Variants in TLL2 observed in about 807,000 individuals in gnomAD.
TLL2 encodes tolloid-like protein 2.
In TLL2, 106 loss-of-function variants were observed where a neutral mutation model predicts 123.0. The observed-to-expected ratio is 0.86, with a 90% CI of 0.74 to 1.01. TLL2 has a LOEUF of 1.01. Ranked by LOEUF, TLL2 falls within the 50% of genes least tolerant of loss-of-function variation. The pLI, the probability that TLL2 is intolerant of heterozygous loss-of-function variation, is 0.00. For synonymous variants in TLL2, 494 were observed against 516.8 expected, an observed-to-expected ratio of 0.96 and a Z score of 0.60; for missense variants, 1,332 against 1,336.7, an observed-to-expected ratio of 1.00 and a Z score of 0.06.
intron 1 of TLL2, 68 bp from the exon 2 acceptor site, chr10:96,480,527 C>T (rs1355568365): frequency 7.9e-7 from 1 of 1,267,014 alleles, no homozygotes; most frequent in Admixed American, 1.7e-5. Context: ...CACTAATGCC[C>T]CAAAGGGCAT....
intron 5 of TLL2, among the ~76,000 whole-genome samples, chr10:96,423,327 C>T (rs1846645341): frequency 6.6e-6 from 1 of 152,110 alleles, no homozygotes; most frequent in Admixed American, 6.5e-5. Context: ...TACTCTACCC[C>T]TCCACCTGCA....
chr10:96,431,643 G>A (rs1021230132), intron 4 of TLL2, among the ~76,000 whole-genome samples: 5 of 152,144 alleles, frequency 3.3e-5, no homozygotes, highest in African/African-American at 9.7e-5. Flanking sequence ...TTGGAGATAC[G>A]GAAGCAGAAA....
intron 2 of TLL2, among the ~76,000 whole-genome samples, chr10:96,462,792 C>T (rs2134095281): frequency 6.6e-6 from 1 of 152,320 alleles, no homozygotes; most frequent in South Asian, 2.1e-4. Flanking sequence ...CACATCACAG[C>T]CGTCTTGCAA....
rs1000273722 is a variant in TLL2 at position 96,365,289 on chromosome 10, A to G, written c.*2799T>C. ...GTAAATACCTCTAAATATTTACCTTAGAGGAAAATAGAGGGAATAGTGGAT... is the reference window on the plus strand; with the variant it reads ...GTAAATACCTCTAAATATTTACCTTGGAGGAAAATAGAGGGAATAGTGGAT... On this transcript the variant is annotated 3_prime_UTR_variant, in exon 21 of 21. Transcript: ENST00000357947. 2 of 152,272 alleles carry G rather than the reference A, an allele frequency of 1.3e-5. No homozygotes were observed. The highest frequency in any genetic ancestry group is 4.8e-5 in the African/African-American group (2 of 41,474). The allele number at this position is 152,272 out of a possible 1,614,324, so 9.4% of individuals were successfully genotyped here.
intron 2 of TLL2, among the ~76,000 whole-genome samples, chr10:96,458,775 G>T (rs1331258419): frequency 6.6e-6 from 1 of 151,428 alleles, no homozygotes; most frequent in Non-Finnish European, 1.5e-5. Context: ...TGTCAAAAAA[G>T]AAAGAAAAAA....
intron 7 of TLL2, among the ~76,000 whole-genome samples, 157 bp from the exon 8 acceptor site, chr10:96,413,473 G>A (rs946174456): frequency 7.2e-5 from 11 of 152,274 alleles, no homozygotes; most frequent in East Asian, 3.9e-4. Context: ...GGTTTCCTTC[G>A]CTCATGCTAG....
At chr10:96,382,808 C>T (rs781782567) in intron 16 of TLL2, among the ~76,000 whole-genome samples, 48 of 152,304 alleles carry the variant, frequency 3.2e-4, no homozygotes, top group Non-Finnish European at 5.7e-4. Flanking sequence ...CTATAAATTA[C>T]CTAGTCTGTG....
At chr10:96,415,253 G>A (rs1846542466) in intron 7 of TLL2, among the ~76,000 whole-genome samples, 1 of 152,116 alleles carries the variant, frequency 6.6e-6, no homozygotes, top group Admixed American at 6.5e-5. Flanking sequence ...CTCCTTGTAG[G>A]CCTCAAATAT....
At chr10:96,384,419 T>C (rs1846210830) in intron 16 of TLL2, among the ~76,000 whole-genome samples, 168 bp downstream of exon 16, 1 of 152,140 alleles carries the variant, frequency 6.6e-6, no homozygotes, top group African/African-American at 2.4e-5. Flanking sequence ...CAGCCACCAA[T>C]AGATATATAA....
chr10:96,449,055 G>T (rs1846928097), intron 2 of TLL2, among the ~76,000 whole-genome samples: 1 of 152,200 alleles, frequency 6.6e-6, no homozygotes, highest in African/African-American at 2.4e-5. Context: ...TGTTTACTAA[G>T]TCCCAATTAT....
intron 2 of TLL2, among the ~76,000 whole-genome samples, chr10:96,474,404 A>C (rs1367920482): frequency 2.0e-5 from 3 of 152,186 alleles, no homozygotes; most frequent in Non-Finnish European, 4.4e-5. Context: ...AGGCATCACA[A>C]ATGCAGCTGG....
intron 2 of TLL2, among the ~76,000 whole-genome samples, chr10:96,459,692 AAAAAAAAAAAAAAATATATATAT>A (rs1433495718): frequency 1.6e-3 from 116 of 71,432 alleles, no homozygotes; most frequent in African/African-American, 5.3e-3. Flanking sequence ...AAAAAAAAAA[AAAAAAAAAAAAAAATATATATAT>A]ATATATATAT....
chr10:96,421,059 G>T lies in TLL2; in HGVS notation c.820C>A (p.Gln274Lys), dbSNP rs1224472257. 4 of 1,612,828 alleles carry T rather than the reference G, an allele frequency of 2.5e-6. No individual in the cohort carries two copies. The highest frequency in any genetic ancestry group is 1.7e-6 in the Non-Finnish European group (2 of 1,179,006). ...TCCATTTTTAAGAAATTATACTCCT[G>T]ACCTGTGACACAACACTGTGTTAAG... ...TIIRENIQPGQEYNFLKMEAG... is the reference protein window; with the variant it reads ...TIIRENIQPGKEYNFLKMEAG... The change falls in exon 7 of 21, where the codon CAG becomes AAG. Residue 274 changes from glutamine to lysine, a missense_variant and splice_region_variant. By Grantham distance (53) the Gln-to-Lys change is moderately conservative. Transcript: ENST00000357947.
At chr10:96,423,913 A>T (rs1006003046) in intron 5 of TLL2, among the ~76,000 whole-genome samples, 2 of 152,234 alleles carry the variant, frequency 1.3e-5, no homozygotes, top group African/African-American at 2.4e-5. Context: ...AGTTGAATGG[A>T]TAAAGAAAAT....
chr10:96,368,347 G>T (rs1465513345), intron 20 of TLL2, 125 bp from the exon 21 acceptor site: 2 of 1,113,752 alleles, frequency 1.8e-6, no homozygotes, highest in African/African-American at 1.6e-5. Flanking sequence ...ACTCTGAAGG[G>T]CATCCAAACA....
At chr10:96,425,651 C>G (rs1218961698) in intron 5 of TLL2, among the ~76,000 whole-genome samples, 2 of 151,710 alleles carry the variant, frequency 1.3e-5, no homozygotes, top group Non-Finnish European at 2.9e-5. Flanking sequence ...CAAACTATTT[C>G]ATGTATAAAG....
chr10:96,396,076 G>GAAGGTCAGATCTTACTGA (rs1253307086), intron 11 of TLL2, 56 bp from the exon 12 acceptor site: 27 of 1,580,822 alleles, frequency 1.7e-5, no homozygotes, highest in Non-Finnish European at 8.6e-7. Flanking sequence ...ATCTTACTTA[G>GAAGGTCAGATCTTACTGA]GAAGGAAGGT....
chr10:96,477,644 T>A (rs978294965), intron 2 of TLL2, among the ~76,000 whole-genome samples: 1 of 152,226 alleles, frequency 6.6e-6, no homozygotes, highest in African/African-American at 2.4e-5. Flanking sequence ...ACTTTGCACA[T>A]ATTCTTTCTT....
intron 2 of TLL2, among the ~76,000 whole-genome samples, chr10:96,474,907 T>C (rs1847222465): frequency 6.6e-6 from 1 of 152,202 alleles, no homozygotes; most frequent in Non-Finnish European, 1.5e-5. Flanking sequence ...GGCTTGTGGC[T>C]GCATCACTTC....
Sources: gnomAD v4.1 joint callset for allele counts (sites outside exome capture counted in the v4.1 genomes callset) on GRCh38, gnomAD v4.1.1 for gene constraint, MANE v1.5 for transcripts, NCBI Gene and HGNC (gene_info 2026-07-23, HGNC 2026-07-21) for gene names.